MRS2: variants seen among roughly 807,000 people sequenced by gnomAD.
MRS2 encodes the protein magnesium transporter MRS2.
In MRS2, 40 loss-of-function variants were observed where a neutral mutation model predicts 52.6. The observed-to-expected ratio is 0.76, with a 90% CI of 0.59 to 0.99. MRS2 has a LOEUF of 0.99. Ranked by LOEUF, MRS2 falls within the 50% of genes least tolerant of loss-of-function variation. MRS2 has a pLI of 0.00. For missense variants in MRS2, 472 were observed against 532.7 expected (o/e 0.89, Z 1.12); for synonymous variants, 193 against 195.9 (o/e 0.98, Z 0.13).
At position 24,408,878 on chromosome 6, in the gene MRS2, G is replaced by A. The variant is rs115275599; in HGVS notation, c.301+434G>A. On this transcript the variant is annotated intron_variant, in intron 3 of 10. Transcript: ENST00000378386. ...GATGAACAGGGCCATGTCACTGCAT[G>A]GCAGCCACATGGAACTCTGCTGCTG... Among the ~76,000 whole-genome samples, 365 of 152,226 alleles carry A rather than the reference G, an allele frequency of 2.4e-3. 1 individual carries two copies. Among genetic ancestry groups the A allele is most frequent in the African/African-American group, 8.2e-3 (342 of 41,544 alleles).
At chr6:24,418,385 G>A (rs1190577610) in intron 8 of MRS2, 76 bp from the exon 9 acceptor site, 2 of 1,579,620 alleles carry the variant, frequency 1.3e-6, no homozygotes, top group African/African-American at 2.7e-5. Flanking sequence ...CATCCATGTG[G>A]TCTGTATAGA....
chr6:24,413,005 C>A (rs187138022), intron 5 of MRS2, among the ~76,000 whole-genome samples: 1 of 152,152 alleles, frequency 6.6e-6, no homozygotes, highest in African/African-American at 2.4e-5. Flanking sequence ...GAACCTGGCA[C>A]ACTTTTCTTT....
intron 9 of MRS2, among the ~76,000 whole-genome samples, chr6:24,422,310 TGA>T (rs1762071723): frequency 6.6e-6 from 1 of 152,156 alleles, no homozygotes; most frequent in Non-Finnish European, 1.5e-5. Context: ...TCCTTCCTTG[TGA>T]GAGATTAAAT....
intron 5 of MRS2, among the ~76,000 whole-genome samples, chr6:24,413,311 G>C (rs1489461727): frequency 6.6e-6 from 1 of 152,076 alleles, no homozygotes; most frequent in Admixed American, 6.6e-5. Context: ...GCTGTGGGGA[G>C]AATAGAGAGG....
intron 3 of MRS2, among the ~76,000 whole-genome samples, chr6:24,408,833 C>CATTG (rs373947616): frequency 6.6e-5 from 10 of 152,272 alleles, no homozygotes; most frequent in African/African-American, 2.4e-4. Flanking sequence ...ATACCACTGA[C>CATTG]ATTGCAGTGG....
At chr6:24,405,363 C>CACAACAT in intron 2 of MRS2, 122 bp downstream of exon 2, 2 of 708,866 alleles carry the variant, frequency 2.8e-6, no homozygotes, top group Non-Finnish European at 4.8e-6. Flanking sequence ...AGCTACATGT[C>CACAACAT]GTGGCTGTTG....
Position 24,415,094 on chromosome 6 carries a change from C to A in MRS2, c.650C>A (p.Ala217Asp), listed in dbSNP as rs1439292796. The A allele has an allele frequency of 6.2e-7, 1 of 1,611,848 alleles. No individual in the cohort carries two copies. The highest frequency in any genetic ancestry group is 8.5e-7 in the Non-Finnish European group (1 of 1,178,460). ...LQPLILETLD[A>D]LVDPKHSSVD... is the part of the protein sequence containing the mutation. ...CCACTGATCCTTGAGACCTTGGATG[C>A]TTTGGTGGACCCCAAACATTCTTCT... is the stretch of plus-strand genomic sequence containing the variant. Residue 217 changes from alanine to aspartate, a missense_variant, in exon 6 of 11, where the codon GCT becomes GAT. Ala to Asp is a moderately radical substitution (Grantham distance 126). Transcript: ENST00000378386.
intron 10 of MRS2, 24 bp downstream of exon 10, chr6:24,423,074 G>C (rs777849756): frequency 6.3e-7 from 1 of 1,582,948 alleles, no homozygotes; most frequent in African/African-American, 1.3e-5. Context: ...GGTTCACGGC[G>C]GTATTGTGGA....
chr6:24,405,516 A>C (rs1216394019), intron 2 of MRS2, among the ~76,000 whole-genome samples: 8 of 152,140 alleles, frequency 5.3e-5, no homozygotes, highest in African/African-American at 1.9e-4. Context: ...TATGTTCTGC[A>C]AGATAATACG....
rs1209924452 is a variant in MRS2, at chr6:24,424,359, AAAGG to A, written c.*669_*672del. ...ATTAGAGCCTTTGGAAGCAAAGTTG[AAAGG>A]AAGTATTTCCATTCTGTTACTGTTT... is the stretch of plus-strand genomic sequence containing the variant. On this transcript the variant is annotated 3_prime_UTR_variant, in exon 11 of 11. Coordinates refer to ENST00000378386, the MANE Select transcript of MRS2 (RefSeq NM_020662.4). The A allele has an allele frequency of 2.0e-5, 3 of 151,416 alleles. No homozygotes were observed. Among genetic ancestry groups the A allele is most frequent in the Non-Finnish European group, 4.4e-5 (3 of 68,036 alleles). The allele number at this position is 151,416 out of a possible 1,614,324, so 9.4% of individuals were successfully genotyped here. A position where few individuals can be genotyped will look rare whatever the true frequency, so the allele number is the denominator to read the frequency against.
At chr6:24,423,437 C>CT in intron 10 of MRS2, 147 bp from the exon 11 acceptor site, 3 of 493,962 alleles carry the variant, frequency 6.1e-6, no homozygotes, top group Non-Finnish European at 1.1e-5. Flanking sequence ...TTTCTTTGTA[C>CT]TTGAAGATGG....
intron 1 of MRS2, among the ~76,000 whole-genome samples, chr6:24,404,634 C>T (rs12660319): frequency 0.03 from 4,568 of 152,204 alleles, 179 homozygotes; most frequent in East Asian, 0.14. Context: ...GTCATTTCAG[C>T]TCAGTGGGGG....
chr6:24,404,438 G>C (rs574411587), intron 1 of MRS2, among the ~76,000 whole-genome samples: 1 of 152,098 alleles, frequency 6.6e-6, no homozygotes, highest in Non-Finnish European at 1.5e-5. Context: ...CAATCATTAC[G>C]TGTATGTAGT....
In MRS2 at chr6:24,412,248, G is replaced by T; in HGVS notation, c.441G>T (p.Glu147Asp). The T allele has an allele frequency of 6.3e-7, 1 of 1,581,296 alleles. No individual in the cohort carries two copies. The highest frequency in any genetic ancestry group is 8.6e-7 in the Non-Finnish European group (1 of 1,167,440). The change falls in exon 5 of 11, where the codon GAG becomes GAT. Residue 147 changes from glutamate (E) to aspartate (D), a missense_variant. Physicochemically the swap from Glu to Asp is conservative, Grantham distance 45. Transcript: ENST00000378386. Reference protein sequence around the residue: ...MEYLKAVITPECLLILDYRNL... With the variant: ...MEYLKAVITPDCLLILDYRNL... ...ATTTGAAAGCTGTGATAACTCCAGA[G>T]TGTCTTCTGATATTAGATTATCGTA...
rs1295235241 is a variant in MRS2 at position 24,403,250 on chromosome 6, C to T, written c.190+14C>T. The T allele has an allele frequency of 3.8e-6, 6 of 1,582,600 alleles. No individual in the cohort carries two copies. The African/African-American group carries it at 4.0e-5, about 11-fold the overall frequency. ...TCCGCGTGGCAGGTACTGCCCTTCC[C>T]CGGCAACAGCCTTGGGACGCTGGTC... On this transcript the variant is annotated intron_variant, in intron 1 of 10. Coordinates refer to ENST00000378386, the MANE Select transcript of MRS2 (RefSeq NM_020662.4).
In MRS2 at chr6:24,424,516, A is replaced by C. The variant is rs1762163065; in HGVS notation, c.*822A>C. On this transcript the variant is annotated 3_prime_UTR_variant, in exon 11 of 11. Transcript: ENST00000378386. The stretch of plus-strand genomic sequence containing the variant: ...CCTACACCTCAGAAGCTGACAGATG[A>C]GCTTCCTAAAACATGAGGATGAATA... The C allele has an allele frequency of 6.6e-6, 1 of 152,242 alleles. No individual in the cohort carries two copies. Among genetic ancestry groups the C allele is most frequent in the South Asian group, 2.1e-4 (1 of 4,834 alleles). The allele number at this position is 152,242 out of a possible 1,614,324, so 9.4% of individuals were successfully genotyped here. A position where few individuals can be genotyped will look rare whatever the true frequency, so the allele number is the denominator to read the frequency against.
chr6:24,411,875 G>GT (rs1214334008), intron 4 of MRS2, among the ~76,000 whole-genome samples: 50 of 138,438 alleles, frequency 3.6e-4, no homozygotes, highest in East Asian at 2.3e-3. Flanking sequence ...TTTTGTTTTT[G>GT]TTTTTTTTTC....
intron 6 of MRS2, among the ~76,000 whole-genome samples, 188 bp from the exon 7 acceptor site, chr6:24,416,209 C>T (rs924956949): frequency 6.6e-6 from 1 of 152,040 alleles, no homozygotes; most frequent in African/African-American, 2.4e-5. Context: ...AGGCGTGACA[C>T]CATGCCTGGC....
Position 24,415,172 on chromosome 6 carries a change from G to T in MRS2, c.719+9G>T. 6.4e-7 allele frequency: 1 copy of T among 1,563,408 alleles called. No individual in the cohort carries two copies. On this transcript the variant is annotated intron_variant, in intron 6 of 10. Coordinates refer to ENST00000378386, the MANE Select transcript of MRS2 (RefSeq NM_020662.4). The stretch of plus-strand genomic sequence containing the variant: ...CTACAGAATGGCAAAAGGTAAATAT[G>T]GATGATGTATCACATTGGGAGTTGG...
Sources: gnomAD v4.1 joint callset for allele counts (sites outside exome capture counted in the v4.1 genomes callset) on GRCh38, gnomAD v4.1.1 for gene constraint, MANE v1.5 for transcripts, NCBI Gene and HGNC (gene_info 2026-07-23, HGNC 2026-07-21) for gene names.